Variants in PRXL2A observed in about 807,000 individuals in gnomAD.
PRXL2A encodes the protein peroxiredoxin-like 2A.
PRXL2A carries 26 observed loss-of-function variants against 25.6 expected under a neutral mutation model. The observed-to-expected ratio is 1.02, with a 90% confidence interval of 0.74 to 1.41. The LOEUF (loss-of-function observed/expected upper bound fraction) is 1.41, where lower values mean the gene tolerates loss of function less well. Ranked by LOEUF, PRXL2A falls within the 40% of genes most tolerant of loss-of-function variation. PRXL2A has a pLI of 0.00. For synonymous variants in PRXL2A, 98 were observed against 102.9 expected, an observed-to-expected ratio of 0.95 and a Z score of 0.29; for missense variants, 246 against 273.9, an observed-to-expected ratio of 0.90 and a Z score of 0.72.
At chr10:80,417,547 A>G (rs1844704834) in intron 1 of PRXL2A, among the ~76,000 whole-genome samples, 1 of 152,144 alleles carries the variant, frequency 6.6e-6, no homozygotes, top group South Asian at 2.1e-4. Context: ...ATAAAATTCA[A>G]AGTAGCGAGT....
At position 80,433,247 on chromosome 10, in the gene PRXL2A, T is replaced by A. The variant is rs1001967953; in HGVS notation, c.*1148T>A. 6.6e-6 allele frequency: 1 copy of A among 152,232 alleles called. No homozygotes were observed. The highest frequency in any genetic ancestry group is 1.5e-5 in the Non-Finnish European group (1 of 68,042). 9.4% of individuals were successfully genotyped at this position (152,232 alleles called of 1,614,324 possible). On this transcript the variant is annotated 3_prime_UTR_variant, in exon 6 of 6. Coordinates refer to ENST00000606162, the MANE Select transcript of PRXL2A (RefSeq NM_032333.5). ...AAATTGGTAGCTGTTTTTCTATTGGTCTTTTAGCCTAATTTGGCAAATCAG... is the reference window on the plus strand; with the variant it reads ...AAATTGGTAGCTGTTTTTCTATTGGACTTTTAGCCTAATTTGGCAAATCAG...
At chr10:80,412,981 A>T (rs977591909) in intron 1 of PRXL2A, among the ~76,000 whole-genome samples, 41 of 152,258 alleles carry the variant, frequency 2.7e-4, no homozygotes, top group African/African-American at 9.9e-4. Flanking sequence ...TAGGCTAGGG[A>T]CAGAGTTATA....
intron 1 of PRXL2A, among the ~76,000 whole-genome samples, chr10:80,417,554 G>C (rs200891832): frequency 6.6e-6 from 1 of 151,946 alleles, no homozygotes; most frequent in South Asian, 2.1e-4. Context: ...TCAAAGTAGC[G>C]AGTTAGAGTA....
At chr10:80,431,613 C>CA (rs1258931678) in intron 5 of PRXL2A, among the ~76,000 whole-genome samples, 1 of 152,164 alleles carries the variant, frequency 6.6e-6, no homozygotes, top group Non-Finnish European at 1.5e-5. Flanking sequence ...TCCACTTCCA[C>CA]ACCTTTGGGC....
intron 4 of PRXL2A, among the ~76,000 whole-genome samples, chr10:80,426,932 T>G (rs1845059762): frequency 6.6e-6 from 1 of 151,990 alleles, no homozygotes; most frequent in Non-Finnish European, 1.5e-5. Context: ...TCATTTGTGG[T>G]CAGGAGTTCA....
intron 3 of PRXL2A, among the ~76,000 whole-genome samples, chr10:80,424,372 C>T (rs1337009570): frequency 8.1e-6 from 1 of 123,304 alleles, no homozygotes; most frequent in Non-Finnish European, 1.6e-5. Flanking sequence ...AATTTGAGAC[C>T]ACCCTAGGCA....
chr10:80,411,093 G>A (rs1202799966), intron 1 of PRXL2A, among the ~76,000 whole-genome samples: 1 of 152,202 alleles, frequency 6.6e-6, no homozygotes, highest in Non-Finnish European at 1.5e-5. Flanking sequence ...CTCATTGCAA[G>A]TGACTGATTT....
At chr10:80,411,970 A>G (rs549680184) in intron 1 of PRXL2A, among the ~76,000 whole-genome samples, 7 of 152,280 alleles carry the variant, frequency 4.6e-5, no homozygotes, top group Admixed American at 3.9e-4. Context: ...ACTTTGTTTC[A>G]TTAAGACTTT....
At chr10:80,409,721 T>G (rs1844416177) in intron 1 of PRXL2A, among the ~76,000 whole-genome samples, 1 of 152,222 alleles carries the variant, frequency 6.6e-6, no homozygotes, top group African/African-American at 2.4e-5. Flanking sequence ...TGTGTACAAA[T>G]AACGTTTTGA....
At position 80,427,383 on chromosome 10, in the gene PRXL2A, C is replaced by T. The variant is rs11540475; in HGVS notation, c.463C>T (p.Arg155Cys). ...RRKMMFMGFI[R>C]LGVWYNFFRA... ...GAAGATGATGTTTATGGGATTTATC[C>T]GTCTGGGAGTGTGGTACAACTTCTT... The change falls in exon 5 of 6, where the codon CGT (arginine) becomes TGT (cysteine). Residue 155 changes from arginine (R) to cysteine (C), a missense_variant. Coordinates refer to ENST00000606162, the MANE Select transcript of PRXL2A (RefSeq NM_032333.5). 1.3e-5 allele frequency: 21 copies of T among 1,613,904 alleles called. No individual in the cohort carries two copies. The highest frequency in any genetic ancestry group is 2.7e-5 in the African/African-American group (2 of 74,878).
At chr10:80,422,768 G>A (rs1264651176) in intron 3 of PRXL2A, among the ~76,000 whole-genome samples, 1 of 151,076 alleles carries the variant, frequency 6.6e-6, no homozygotes, top group Non-Finnish European at 1.5e-5. Flanking sequence ...TGTACCTTCT[G>A]AGTCCTGGAC....
intron 4 of PRXL2A, among the ~76,000 whole-genome samples, chr10:80,426,412 T>C (rs1845044955): frequency 6.6e-6 from 1 of 152,256 alleles, no homozygotes; most frequent in African/African-American, 2.4e-5. Context: ...TGTAGGTTAA[T>C]AAGAGTGTTC....
rs746563537 is a variant in PRXL2A at position 80,418,025 on chromosome 10, C to CT, written c.-2-2427dup. 4.7e-3 allele frequency among the ~76,000 whole-genome samples: 673 copies of CT among 141,958 alleles called. 1 individual carries two copies. Among genetic ancestry groups the CT allele is most frequent in the South Asian group, 0.014 (61 of 4,396 alleles). 93.1% of individuals were successfully genotyped at this position (141,958 alleles called of 152,430 possible). ...ACTCAACCAAGGTTCTCTCTTATTC[C>CT]TTTTTTTTTTTTTTAATTATTTTAG... On this transcript the variant is annotated intron_variant, in intron 1 of 5. Transcript: ENST00000606162.
At chr10:80,420,735 AT>A (rs1844835113) in intron 2 of PRXL2A, 90 bp downstream of exon 2, 1 of 1,013,482 alleles carries the variant, frequency 9.9e-7, no homozygotes, top group African/African-American at 1.7e-5. Context: ...CCTTTTTTTA[AT>A]TGAAAAGATA....
At position 80,435,132 on chromosome 10, in the gene PRXL2A, T is replaced by G. The variant is rs1227394208; in HGVS notation, c.*3033T>G. The G allele has an allele frequency of 6.6e-6, 1 of 152,346 alleles. No individual in the cohort carries two copies. Among genetic ancestry groups the G allele is most frequent in the Non-Finnish European group, 1.5e-5 (1 of 68,156 alleles). 9.4% of individuals were successfully genotyped at this position (152,346 alleles called of 1,614,324 possible). Reference sequence around the variant, plus strand: ...GGGTGGCTGAGGCAGGAGAATCGCTTGAACCCAGGAGGCGGAGGGTGCAGT... The same window carrying G: ...GGGTGGCTGAGGCAGGAGAATCGCTGGAACCCAGGAGGCGGAGGGTGCAGT... On this transcript the variant is annotated 3_prime_UTR_variant, in exon 6 of 6. Transcript: ENST00000606162.
chr10:80,424,764 G>A (rs1352734567), intron 3 of PRXL2A, among the ~76,000 whole-genome samples: 4 of 152,202 alleles, frequency 2.6e-5, no homozygotes, highest in Non-Finnish European at 5.9e-5. Context: ...AGGAGGCTGA[G>A]GCGTGAGAAT....
chr10:80,430,195 G>A (rs781612055), intron 5 of PRXL2A, among the ~76,000 whole-genome samples: 15 of 148,202 alleles, frequency 1.0e-4, no homozygotes, highest in South Asian at 2.2e-4. Flanking sequence ...CCACCCCCCC[G>A]GGTTCAAGCG....
At chr10:80,426,522 T>C (rs890976458) in intron 4 of PRXL2A, among the ~76,000 whole-genome samples, 14 of 152,224 alleles carry the variant, frequency 9.2e-5, no homozygotes, top group African/African-American at 3.4e-4. Flanking sequence ...TGTAGGGACA[T>C]AATCCCATTG....
Position 80,415,410 on chromosome 10 carries a change from T to C in PRXL2A, c.-2-5056T>C, listed in dbSNP as rs116584873. Among the ~76,000 whole-genome samples the C allele has an allele frequency of 4.2e-3, 640 of 152,338 alleles. 7 individuals carry two copies. The highest frequency in any genetic ancestry group is 0.015 in the African/African-American group (603 of 41,580). ...AGAGGTTTGAGTTCTCAGGGTTCCT[T>C]CAGCACTGACACCTGCCCCAGTCAG... On this transcript the variant is annotated intron_variant, in intron 1 of 5. Coordinates refer to ENST00000606162, the MANE Select transcript of PRXL2A (RefSeq NM_032333.5).
Sources: allele counts gnomAD v4.1 joint callset (sites outside exome capture counted in the v4.1 genomes callset), GRCh38; gene constraint gnomAD v4.1.1; transcripts MANE v1.5; gene names NCBI Gene and HGNC (gene_info 2026-07-23, HGNC 2026-07-21).